CNTN4: variants seen among roughly 807,000 people sequenced by gnomAD.
CNTN4 encodes the protein contactin 4, also known as contactin-4.
CNTN4 carries 77 observed loss-of-function variants against 122.5 expected under a neutral mutation model. The observed-to-expected ratio is 0.63, with a 90% CI of 0.52 to 0.76. The LOEUF is 0.76. CNTN4 is among the 30% of genes least tolerant of loss of function. The pLI, the probability that CNTN4 is intolerant of heterozygous loss-of-function variation, is 0.00. For synonymous variants in CNTN4, 512 were observed against 447.0 expected (o/e 1.15, Z -1.83); for missense variants, 1,256 against 1,259.1 (o/e 1.00, Z 0.04).
chr3:2,989,560 A>G (rs1163022125), intron 14 of CNTN4, among the ~76,000 whole-genome samples: 1 of 152,240 alleles, frequency 6.6e-6, no homozygotes. Flanking sequence ...TTGGAAATGT[A>G]CTACTCTTTT....
intron 3 of CNTN4, among the ~76,000 whole-genome samples, chr3:2,551,701 C>T (rs1244736189): frequency 6.6e-6 from 1 of 152,062 alleles, no homozygotes; most frequent in Non-Finnish European, 1.5e-5. Context: ...AAAATACCTT[C>T]CCTAATGGTG....
intron 8 of CNTN4, among the ~76,000 whole-genome samples, chr3:2,876,752 T>G (rs2093849354): frequency 6.6e-6 from 1 of 152,338 alleles, no homozygotes; most frequent in African/African-American, 2.4e-5. Flanking sequence ...TGTCCAGGTT[T>G]TGAAGGAGAT....
At chr3:2,726,076 CTCAG>C (rs1244931352) in intron 4 of CNTN4, among the ~76,000 whole-genome samples, 1 of 152,210 alleles carries the variant, frequency 6.6e-6, no homozygotes, top group Non-Finnish European at 1.5e-5. Flanking sequence ...GCCATCAGAA[CTCAG>C]TCTGTCCCTA....
intron 4 of CNTN4, among the ~76,000 whole-genome samples, chr3:2,654,999 T>A (rs1213793704): frequency 6.6e-6 from 1 of 152,212 alleles, no homozygotes; most frequent in Non-Finnish European, 1.5e-5. Flanking sequence ...GAATGTCAGA[T>A]GGATTTTTAA....
At chr3:2,302,872 A>G (rs2042574360) in intron 2 of CNTN4, among the ~76,000 whole-genome samples, 1 of 151,640 alleles carries the variant, frequency 6.6e-6, no homozygotes, top group Non-Finnish European at 1.5e-5. Context: ...TGCTTCATTA[A>G]TACTTGTGAA....
At chr3:2,604,681 T>C (rs2081185982) in intron 4 of CNTN4, among the ~76,000 whole-genome samples, 1 of 152,178 alleles carries the variant, frequency 6.6e-6, no homozygotes, top group Admixed American at 6.5e-5. Flanking sequence ...AACTACTTTA[T>C]TGAGGTATGA....
chr3:2,651,871 C>T (rs889653399), intron 4 of CNTN4, among the ~76,000 whole-genome samples: 2 of 151,576 alleles, frequency 1.3e-5, no homozygotes, highest in Admixed American at 6.6e-5. Flanking sequence ...TCCTGGCTAA[C>T]TTTTGCATTT....
chr3:2,321,648 T>C (rs1188701742), intron 2 of CNTN4, among the ~76,000 whole-genome samples: 1 of 152,102 alleles, frequency 6.6e-6, no homozygotes, highest in Non-Finnish European at 1.5e-5. Context: ...CAAAGCCAGA[T>C]TGTCTCGGAG....
intron 6 of CNTN4, among the ~76,000 whole-genome samples, chr3:2,768,725 T>C (rs1259481986): frequency 2.0e-5 from 3 of 152,230 alleles, no homozygotes; most frequent in South Asian, 2.1e-4. Flanking sequence ...CAGCACTTTA[T>C]GCCTTGAAAA....
chr3:3,009,529 G>A (rs1449141603), intron 14 of CNTN4, among the ~76,000 whole-genome samples: 1 of 150,984 alleles, frequency 6.6e-6, no homozygotes, highest in Non-Finnish European at 1.5e-5. Flanking sequence ...CGCCCCCCGG[G>A]TTCCCGCCAT....
At chr3:2,193,324 A>G (rs1223463834) in intron 2 of CNTN4, among the ~76,000 whole-genome samples, 1 of 152,120 alleles carries the variant, frequency 6.6e-6, no homozygotes. Flanking sequence ...TATTAAAAAA[A>G]TACCTTCTAA....
chr3:2,526,448 A>AATCAAAGTT (rs2077401686), intron 3 of CNTN4, among the ~76,000 whole-genome samples: 1 of 152,146 alleles, frequency 6.6e-6, no homozygotes, highest in African/African-American at 2.4e-5. Flanking sequence ...AATTGCTAAA[A>AATCAAAGTT]ATCAAAGTTG....
intron 13 of CNTN4, among the ~76,000 whole-genome samples, chr3:2,969,424 A>G (rs892767750): frequency 5.9e-5 from 9 of 152,192 alleles, no homozygotes; most frequent in Non-Finnish European, 1.3e-4. Flanking sequence ...TCTGTGTCAC[A>G]TGAACACCCC....
chr3:2,215,868 A>G (rs1332770676), intron 2 of CNTN4, among the ~76,000 whole-genome samples: 1 of 123,522 alleles, frequency 8.1e-6, no homozygotes, highest in Non-Finnish European at 1.6e-5. Flanking sequence ...GTGTGAACAG[A>G]GTGAGCCTCT....
chr3:2,228,197 T>C (rs887050054), intron 2 of CNTN4, among the ~76,000 whole-genome samples: 2 of 152,126 alleles, frequency 1.3e-5, no homozygotes, highest in East Asian at 3.8e-4. Context: ...AGCCAAGGAA[T>C]TGGCAATCCA....
intron 3 of CNTN4, among the ~76,000 whole-genome samples, chr3:2,491,850 T>C (rs2076326159): frequency 6.6e-6 from 1 of 152,218 alleles, no homozygotes. Flanking sequence ...CGTGGTTTTA[T>C]TGCAGTCTGG....
intron 13 of CNTN4, among the ~76,000 whole-genome samples, chr3:2,984,714 C>G (rs2125246665): frequency 6.6e-6 from 1 of 152,266 alleles, no homozygotes; most frequent in East Asian, 1.9e-4. Flanking sequence ...GATCGTGATA[C>G]TGTTTTTAAT....
At chr3:2,940,278 C>T (rs1358794215) in intron 13 of CNTN4, among the ~76,000 whole-genome samples, 3 of 152,146 alleles carry the variant, frequency 2.0e-5, no homozygotes, top group Admixed American at 1.3e-4. Context: ...TTCTAGGTAT[C>T]ATGAATGGAC....
intron 3 of CNTN4, among the ~76,000 whole-genome samples, chr3:2,435,944 G>A (rs917524192): frequency 6.6e-6 from 1 of 152,140 alleles, no homozygotes; most frequent in African/African-American, 2.4e-5. Flanking sequence ...GCAAAGTAAA[G>A]TGTTAAGGCA....
Sources: gnomAD v4.1 joint callset for allele counts (sites outside exome capture counted in the v4.1 genomes callset) on GRCh38, gnomAD v4.1.1 for gene constraint, MANE v1.5 for transcripts, NCBI Gene and HGNC (gene_info 2026-07-23, HGNC 2026-07-21) for gene names.